PRAMEF9: variants seen among roughly 807,000 people sequenced by gnomAD.
The protein encoded by PRAMEF9 is PRAME family member 9/15.
In PRAMEF9, 1 loss-of-function variant was observed where a neutral mutation model predicts 10.9. The ratio of observed to expected loss-of-function variants is 0.09; its 90% CI spans 0.03 to 0.44. PRAMEF9 has a LOEUF of 0.44. Ranked by LOEUF, PRAMEF9 falls within the 20% of genes least tolerant of loss-of-function variation. The pLI, the probability that PRAMEF9 is intolerant of heterozygous loss-of-function variation, is 0.97. For missense variants in PRAMEF9, 126 were observed against 379.8 expected (o/e 0.33, Z 5.55); for synonymous variants, 40 against 148.3 (o/e 0.27, Z 5.31).
chr1:13,172,616 C>A (rs1638338995), intron 1 of PRAMEF9, 84 bp downstream of exon 1: 1 of 136,832 alleles, frequency 7.3e-6, no homozygotes, highest in African/African-American at 2.5e-5. Flanking sequence ...CCTAAGATGG[C>A]AGAGAGCTAT....
rs1472590179 is a variant in PRAMEF9 at position 13,175,158 on chromosome 1, G to A, written c.-16-107G>A. 16 of 1,254,762 alleles carry A rather than the reference G, an allele frequency of 1.3e-5. 1 individual carries two copies. In the Admixed American group the frequency reaches 1.8e-4, roughly 14 times the overall value. 77.7% of individuals were successfully genotyped at this position (1,254,762 alleles called of 1,614,324 possible). On this transcript the variant is annotated intron_variant, in intron 1 of 3. Coordinates refer to ENST00000415919, the MANE Select transcript of PRAMEF9 (RefSeq NM_001010890.3). ...CAGAGTAGAATTGGAGTAAACTGAG[G>A]GCTGTTTCACCATTGCCAGAGCAGT...
rs1291479851 is a variant in PRAMEF9 at position 13,172,035 on chromosome 1, T to A, written c.-514T>A. ...GACTATAGGCGCAGACCACCGCAACTGGCTAATTTTTGTAATTTTAGTAGA... is the reference window on the plus strand; with the variant it reads ...GACTATAGGCGCAGACCACCGCAACAGGCTAATTTTTGTAATTTTAGTAGA... On this transcript the variant is annotated 5_prime_UTR_variant, in exon 1 of 4. Coordinates refer to ENST00000415919, the MANE Select transcript of PRAMEF9 (RefSeq NM_001010890.3). 7.0e-6 allele frequency: 1 copy of A among 143,066 alleles called. No individual in the cohort carries two copies. The highest frequency in any genetic ancestry group is 2.4e-5 in the African/African-American group (1 of 40,852). The allele number at this position is 143,066 out of a possible 1,614,324, so 8.9% of individuals were successfully genotyped here.
rs1237135893 is a variant in PRAMEF9, at chr1:13,172,423, T to C, written c.-126T>C. ...TGGGTGGGAGTTATGATTAGAAAGGTCAATAAAAGCTTCTAAAGACCCACA... is the reference window on the plus strand; with the variant it reads ...TGGGTGGGAGTTATGATTAGAAAGGCCAATAAAAGCTTCTAAAGACCCACA... On this transcript the variant is annotated 5_prime_UTR_variant, in exon 1 of 4. Coordinates refer to ENST00000415919, the MANE Select transcript of PRAMEF9 (RefSeq NM_001010890.3). The C allele has an allele frequency of 1.1e-4, 15 of 141,880 alleles. 2 individuals carry two copies. The highest frequency in any genetic ancestry group is 1.8e-4 in the Non-Finnish European group (11 of 62,832). 8.8% of individuals were successfully genotyped at this position (141,880 alleles called of 1,614,324 possible). A position where few individuals can be genotyped will look rare whatever the true frequency, so the allele number is the denominator to read the frequency against.
Position 13,178,953 on chromosome 1 carries a change from G to A in PRAMEF9, c.1258G>A (p.Glu420Lys), listed in dbSNP as rs1445913329. 1.3e-6 allele frequency: 2 copies of A among 1,538,372 alleles called. No homozygotes were observed. Among genetic ancestry groups the A allele is most frequent in the East Asian group, 2.4e-5 (1 of 41,992 alleles). The part of the protein sequence containing the change: ...LCVEVYPAPR[E>K]SYGADGTLCW... Reference sequence around the variant, plus strand: ...CGTGGAGGTGTATCCTGCCCCGCGGGAGAGTTATGGTGCTGATGGTACTCT... The same window carrying A: ...CGTGGAGGTGTATCCTGCCCCGCGGAAGAGTTATGGTGCTGATGGTACTCT... The change falls in exon 4 of 4, where the codon GAG becomes AAG. Residue 420 changes from glutamate to lysine, a missense_variant. By Grantham distance (56) the Glu-to-Lys change is moderately conservative. Coordinates refer to ENST00000415919, the MANE Select transcript of PRAMEF9 (RefSeq NM_001010890.3).
In PRAMEF9 at chr1:13,172,652, A is replaced by T. The variant is rs1231354853; in HGVS notation, c.-17+120A>T. The T allele has an allele frequency of 8.1e-5, 11 of 135,294 alleles. 1 individual carries two copies. The highest frequency in any genetic ancestry group is 2.5e-4 in the African/African-American group (10 of 40,596). 8.4% of individuals were successfully genotyped at this position (135,294 alleles called of 1,614,324 possible). On this transcript the variant is annotated intron_variant, in intron 1 of 3. Coordinates refer to ENST00000415919, the MANE Select transcript of PRAMEF9 (RefSeq NM_001010890.3). Reference sequence around the variant, plus strand: ...ATCCTGTCCTTTTTTATATATATATATGAACAATTTGAAGCTTTGAATGTT... The same window carrying T: ...ATCCTGTCCTTTTTTATATATATATTTGAACAATTTGAAGCTTTGAATGTT...
In PRAMEF9 at chr1:13,172,164, T is replaced by C. The variant is rs1638329323; in HGVS notation, c.-385T>C. 3 of 144,738 alleles carry C rather than the reference T, an allele frequency of 2.1e-5. No individual in the cohort carries two copies. Among genetic ancestry groups the C allele is most frequent in the African/African-American group, 2.4e-5 (1 of 41,166 alleles). 9.0% of individuals were successfully genotyped at this position (144,738 alleles called of 1,614,324 possible). ...TGCTGGGATTACAGGTGTGAGCCAC[T>C]TCGTCTGGCCTTGAATGAATGTATT... On this transcript the variant is annotated 5_prime_UTR_variant, in exon 1 of 4. Transcript: ENST00000415919.
At position 13,179,006 on chromosome 1, in the gene PRAMEF9, G is replaced by A; in HGVS notation, c.1311G>A (p.Arg437=). ...GCTGGAGCAGATTTGCTCAAATTAG[G>A]GCTGAGCTGATGAACAGAGTGAGGG... ...TLCWSRFAQI[R]AELMNRVRDL... is the part of the protein sequence containing the mutation. Residue 437 remains arginine, a synonymous_variant, in exon 4 of 4, where the codon AGG becomes AGA. Transcript: ENST00000415919. 6.5e-7 allele frequency: 1 copy of A among 1,541,338 alleles called. No individual in the cohort carries two copies. Among genetic ancestry groups the A allele is most frequent in the Non-Finnish European group, 8.9e-7 (1 of 1,122,988 alleles).
chr1:13,175,035 G>A (rs1350456046), intron 1 of PRAMEF9: 5 of 511,956 alleles, frequency 9.8e-6, no homozygotes, highest in African/African-American at 7.6e-5. Flanking sequence ...GCACTGGATA[G>A]AAAGGAAGGG....
At chr1:13,172,715 T>C (rs1385986885) in intron 1 of PRAMEF9, 183 bp downstream of exon 1, 2 of 136,790 alleles carry the variant, frequency 1.5e-5, no homozygotes, top group Non-Finnish European at 3.3e-5. Flanking sequence ...TTCAAAAAAG[T>C]TGATTGTGCT....
intron 1 of PRAMEF9, chr1:13,172,825 G>T (rs1347139669): frequency 3.5e-5 from 5 of 141,600 alleles, no homozygotes; most frequent in African/African-American, 1.2e-4. Context: ...TTCAGCCCAG[G>T]GGTTTGAGAC....
In PRAMEF9 at chr1:13,175,366, C is replaced by A; in HGVS notation, c.86C>A (p.Thr29Asn). 4 of 1,401,070 alleles carry A rather than the reference C, an allele frequency of 2.9e-6. 1 individual carries two copies. Among genetic ancestry groups the A allele is most frequent in the Non-Finnish European group, 4.0e-6 (4 of 1,011,550 alleles). 86.8% of individuals were successfully genotyped at this position (1,401,070 alleles called of 1,614,324 possible). Residue 29 changes from threonine (T) to asparagine (N), a missense_variant, in exon 2 of 4, where the codon ACC becomes AAC. Thr to Asn is a moderately conservative substitution (Grantham distance 65, BLOSUM62 0). Transcript: ENST00000415919. ...LLRDQALAMS[T>N]LEELPTELFP... Reference sequence around the variant, plus strand: ...AGGGACCAAGCCTTGGCCATGTCCACCCTGGAGGAGCTGCCCACAGAACTT... The same window carrying A: ...AGGGACCAAGCCTTGGCCATGTCCAACCTGGAGGAGCTGCCCACAGAACTT...
chr1:13,175,767 C>T (rs1443834680), intron 2 of PRAMEF9, 194 bp downstream of exon 2: 1 of 464,178 alleles, frequency 2.2e-6, no homozygotes, highest in African/African-American at 2.2e-5. Flanking sequence ...AACCTCTCCT[C>T]TAATGGCACT....
rs782484874 is a variant in PRAMEF9, at chr1:13,178,939, A to C, written c.1244A>C (p.Tyr415Ser). 18 of 1,533,948 alleles carry C rather than the reference A, an allele frequency of 1.2e-5. 3 individuals carry two copies. The highest frequency in any genetic ancestry group is 5.2e-5 in the Admixed American group (3 of 57,198). The change falls in exon 4 of 4, where the codon TAT (tyrosine) becomes TCT (serine). Residue 415 changes from tyrosine to serine, a missense_variant. Coordinates refer to ENST00000415919, the MANE Select transcript of PRAMEF9 (RefSeq NM_001010890.3). ...IILKNLCVEVYPAPRESYGAD... is the reference protein window; with the variant it reads ...IILKNLCVEVSPAPRESYGAD... ...CTCAAAAACTTATGCGTGGAGGTGTATCCTGCCCCGCGGGAGAGTTATGGT... is the reference window on the plus strand; with the variant it reads ...CTCAAAAACTTATGCGTGGAGGTGTCTCCTGCCCCGCGGGAGAGTTATGGT...
chr1:13,178,897 T>A lies in PRAMEF9; in HGVS notation c.1202T>A (p.Leu401Gln). ...TCCATGGCCACCCTGGAGAACCTGC[T>A]GAGCCACACAATCATACTCAAAAAC... is the stretch of plus-strand genomic sequence containing the variant. The part of the protein sequence containing the change: ...PISMATLENL[L>Q]SHTIILKNLC... The change falls in exon 4 of 4, where the codon CTG becomes CAG. Residue 401 changes from leucine to glutamine, a missense_variant. Physicochemically the swap from Leu to Gln is moderately radical, Grantham distance 113. Coordinates refer to ENST00000415919, the MANE Select transcript of PRAMEF9 (RefSeq NM_001010890.3). 6.6e-7 allele frequency: 1 copy of A among 1,510,668 alleles called. No individual in the cohort carries two copies. Among genetic ancestry groups the A allele is most frequent in the South Asian group, 1.1e-5 (1 of 88,368 alleles). The allele number at this position is 1,510,668 out of a possible 1,614,324, so 93.6% of individuals were successfully genotyped here.
rs782001244 is a variant in PRAMEF9, at chr1:13,179,113, C to T, written c.1418C>T (p.Ala473Val). The change falls in exon 4 of 4, where the codon GCA becomes GTA. Residue 473 changes from alanine (A) to valine (V), a missense_variant. Transcript: ENST00000415919. ...AACAGGTCATTTTATGACCTGGAGG[C>T]AGATCAATACTGCTGTTGAATGCCT... ...CGNRSFYDLE[A>V]DQYCC 2 of 1,540,342 alleles carry T rather than the reference C, an allele frequency of 1.3e-6. No individual in the cohort carries two copies. The highest frequency in any genetic ancestry group is 1.3e-5 in the African/African-American group (1 of 74,328).
chr1:13,175,023 G>T, intron 1 of PRAMEF9: 1 of 473,674 alleles, frequency 2.1e-6, no homozygotes, highest in South Asian at 2.2e-5. Flanking sequence ...TCACTGGATG[G>T]AGCACTGGAT....
In PRAMEF9 at chr1:13,171,879, T is replaced by C. The variant is rs1350528522; in HGVS notation, c.-670T>C. The stretch of plus-strand genomic sequence containing the variant: ...TCTCTCTCTCTCTTTTTTCTTTTTC[T>C]TTTTTTTTTTTTTTTTTTTTAAATC... On this transcript the variant is annotated 5_prime_UTR_variant, in exon 1 of 4. Coordinates refer to ENST00000415919, the MANE Select transcript of PRAMEF9 (RefSeq NM_001010890.3). The C allele has an allele frequency of 1.5e-4, 1 of 6,586 alleles. No individual in the cohort carries two copies. Among genetic ancestry groups the C allele is most frequent in the Middle Eastern group, 0.056 (1 of 18 alleles). 0.4% of individuals were successfully genotyped at this position (6,586 alleles called of 1,614,324 possible).
rs782696758 is a variant in PRAMEF9, at chr1:13,178,957, G to A, written c.1262G>A (p.Ser421Asn). 1 of 1,538,764 alleles carries A rather than the reference G, an allele frequency of 6.5e-7. No homozygotes were observed. The highest frequency in any genetic ancestry group is 8.9e-7 in the Non-Finnish European group (1 of 1,122,068). The change falls in exon 4 of 4, where the codon AGT (serine) becomes AAT (asparagine). Residue 421 changes from serine to asparagine, a missense_variant. Transcript: ENST00000415919. ...GAGGTGTATCCTGCCCCGCGGGAGAGTTATGGTGCTGATGGTACTCTCTGC... is the reference window on the plus strand; with the variant it reads ...GAGGTGTATCCTGCCCCGCGGGAGAATTATGGTGCTGATGGTACTCTCTGC... ...CVEVYPAPRESYGADGTLCWS... is the reference protein window; with the variant it reads ...CVEVYPAPRENYGADGTLCWS...
Position 13,172,629 on chromosome 1 carries a change from C to T in PRAMEF9, c.-17+97C>T, listed in dbSNP as rs1489829802. On this transcript the variant is annotated intron_variant, in intron 1 of 3. Transcript: ENST00000415919. ...AGCCTAAGATGGCAGAGAGCTATAT[C>T]CTGTCCTTTTTTATATATATATATG... 3 of 136,172 alleles carry T rather than the reference C, an allele frequency of 2.2e-5. 1 individual carries two copies. Among genetic ancestry groups the T allele is most frequent in the Non-Finnish European group, 1.7e-5 (1 of 60,402 alleles). The allele number at this position is 136,172 out of a possible 1,614,324, so 8.4% of individuals were successfully genotyped here. A position where few individuals can be genotyped will look rare whatever the true frequency, so the allele number is the denominator to read the frequency against.
Sources: allele counts gnomAD v4.1 joint callset, GRCh38; gene constraint gnomAD v4.1.1; transcripts MANE v1.5; gene names NCBI Gene and HGNC (gene_info 2026-07-23, HGNC 2026-07-21).